Variants in TBC1D19 observed in about 807,000 individuals in gnomAD.
TBC1D19 encodes the protein TBC1 domain family, member 19.
A neutral mutation model predicts 89.0 loss-of-function variants in TBC1D19; 60 were observed. That is an observed-to-expected ratio of 0.67 (90% CI 0.55 to 0.84). TBC1D19 has a LOEUF of 0.84. Among genes scored for constraint, TBC1D19 ranks in the 40% least tolerant of loss-of-function variants. The pLI is 0.00. For synonymous variants in TBC1D19, 189 were observed against 199.7 expected (o/e 0.95, Z 0.45); for missense variants, 500 against 610.8 (o/e 0.82, Z 1.91).
the TBC1D19 span, among the ~76,000 whole-genome samples, chr4:26,772,966 T>C: frequency 6.6e-6 from 1 of 152,228 alleles, no homozygotes; most frequent in Non-Finnish European, 1.5e-5. Flanking sequence ...TATATATTCC[T>C]TTGGGTATAT....
At position 26,605,051 on chromosome 4, in the gene TBC1D19, TA is replaced by T. The variant is rs1471245709; in HGVS notation, c.100-8117del. Among the ~76,000 whole-genome samples the T allele has an allele frequency of 7.9e-5, 12 of 152,070 alleles. No homozygotes were observed. In the South Asian group the frequency reaches 8.3e-4, roughly 11 times the overall value. On this transcript the variant is annotated intron_variant, in intron 1 of 20. Coordinates refer to ENST00000264866, the MANE Select transcript of TBC1D19 (RefSeq NM_018317.4). Reference sequence around the variant, plus strand: ...AGAACTACCATTCTTTTTTTATTTTTATTTTTTTATTATTATTATACTTTAA... The same window carrying T: ...AGAACTACCATTCTTTTTTTATTTTTTTTTTTTATTATTATTATACTTTAA...
intron 1 of TBC1D19, among the ~76,000 whole-genome samples, chr4:26,600,660 A>G (rs1740530397): frequency 6.6e-6 from 1 of 152,238 alleles, no homozygotes; most frequent in Non-Finnish European, 1.5e-5. Flanking sequence ...CAAGACAGCC[A>G]GTGCTGGAAG....
intron 7 of TBC1D19, among the ~76,000 whole-genome samples, chr4:26,652,378 G>A (rs1165066499): frequency 6.6e-6 from 1 of 152,004 alleles, no homozygotes; most frequent in Non-Finnish European, 1.5e-5. Flanking sequence ...ATTAATTATT[G>A]CCTCAATTTC....
At chr4:26,588,189 A>T (rs897449128) in intron 1 of TBC1D19, among the ~76,000 whole-genome samples, 3 of 151,632 alleles carry the variant, frequency 2.0e-5, no homozygotes, top group Admixed American at 2.0e-4. Context: ...CCACGCCCAG[A>T]TGATTTTTTG....
chr4:26,824,440 A>C, the TBC1D19 span, among the ~76,000 whole-genome samples: 4 of 152,232 alleles, frequency 2.6e-5, no homozygotes, highest in Admixed American at 2.6e-4. Context: ...TACTAGTATA[A>C]AACTAATGAA....
intron 15 of TBC1D19, among the ~76,000 whole-genome samples, chr4:26,720,485 G>A: frequency 6.6e-6 from 1 of 151,950 alleles, no homozygotes. Context: ...ATCTTGTATT[G>A]CACCTTATTG....
intron 1 of TBC1D19, among the ~76,000 whole-genome samples, chr4:26,607,158 T>G (rs1741065524): frequency 6.6e-6 from 1 of 152,152 alleles, no homozygotes; most frequent in African/African-American, 2.4e-5. Flanking sequence ...ATACCACAAA[T>G]GTACTGTACC....
intron 9 of TBC1D19, among the ~76,000 whole-genome samples, chr4:26,669,231 A>C (rs1171095330): frequency 6.6e-6 from 1 of 151,840 alleles, no homozygotes; most frequent in Admixed American, 6.6e-5. Flanking sequence ...TATTTCCTGA[A>C]GTGTTATACT....
intron 13 of TBC1D19, among the ~76,000 whole-genome samples, chr4:26,690,352 G>T (rs1374413471): frequency 6.6e-6 from 1 of 152,190 alleles, no homozygotes; most frequent in African/African-American, 2.4e-5. Flanking sequence ...GTCTAGCAAA[G>T]ATCATTGTTA....
chr4:26,624,642 C>G (rs1234046983), intron 4 of TBC1D19, among the ~76,000 whole-genome samples: 2 of 152,080 alleles, frequency 1.3e-5, no homozygotes, highest in East Asian at 1.9e-4. Flanking sequence ...AGCTTAGTAA[C>G]TTTATGTTGG....
At chr4:26,704,665 A>G (rs1039235104) in intron 13 of TBC1D19, among the ~76,000 whole-genome samples, 6 of 152,168 alleles carry the variant, frequency 3.9e-5, no homozygotes, top group Admixed American at 6.5e-5. Context: ...GAAGAGAAAG[A>G]CAAATTCATA....
intron 17 of TBC1D19, chr4:26,740,699 T>C: frequency 2.0e-6 from 2 of 985,406 alleles, no homozygotes; most frequent in Non-Finnish European, 2.4e-6. Flanking sequence ...TTTCCCCCTT[T>C]GGACCTGCTG....
the TBC1D19 span, among the ~76,000 whole-genome samples, chr4:26,853,300 C>T: frequency 3.9e-5 from 6 of 152,200 alleles, no homozygotes; most frequent in African/African-American, 1.4e-4. Context: ...CTGTACAATT[C>T]TCTCATTTTG....
chr4:26,590,794 C>CTTTTTTTT (rs1739720844), intron 1 of TBC1D19, among the ~76,000 whole-genome samples: 7 of 31,752 alleles, frequency 2.2e-4, no homozygotes, highest in Admixed American at 4.9e-4. Flanking sequence ...TCTTGCAGGT[C>CTTTTTTTT]TGTTTTTTTT....
At chr4:26,836,079 T>C in the TBC1D19 span, among the ~76,000 whole-genome samples, 1 of 152,144 alleles carries the variant, frequency 6.6e-6, no homozygotes, top group Non-Finnish European at 1.5e-5. Context: ...CCTCTTTGGC[T>C]TCAGACTTTG....
intron 15 of TBC1D19, among the ~76,000 whole-genome samples, chr4:26,726,851 T>G (rs1310526914): frequency 6.6e-6 from 1 of 152,168 alleles, no homozygotes; most frequent in Non-Finnish European, 1.5e-5. Context: ...CAAAGCATGT[T>G]AATATTTGGG....
chr4:26,796,638 G>T, the TBC1D19 span, among the ~76,000 whole-genome samples: 1 of 152,134 alleles, frequency 6.6e-6, no homozygotes, highest in African/African-American at 2.4e-5. Context: ...GACCAAGGCT[G>T]CAGTGAGTGA....
chr4:26,840,299 C>T, the TBC1D19 span, among the ~76,000 whole-genome samples: 1 of 152,090 alleles, frequency 6.6e-6, no homozygotes, highest in Admixed American at 6.5e-5. Context: ...CCAGGATGGT[C>T]TCAAACTCCT....
At chr4:26,747,256 G>A (rs765750741) in intron 18 of TBC1D19, among the ~76,000 whole-genome samples, 44 of 152,244 alleles carry the variant, frequency 2.9e-4, no homozygotes, top group Non-Finnish European at 4.7e-4. Context: ...ATGACACTAT[G>A]AGAATTTGAG....
Sources: gnomAD v4.1 joint callset for allele counts (sites outside exome capture counted in the v4.1 genomes callset) on GRCh38, gnomAD v4.1.1 for gene constraint, MANE v1.5 for transcripts, NCBI Gene and HGNC (gene_info 2026-07-23, HGNC 2026-07-21) for gene names.